SYN3: variants seen among roughly 807,000 people sequenced by gnomAD.
SYN3 encodes synapsin III.
Under a neutral mutation model 65.8 loss-of-function variants are expected in SYN3, and 35 were observed. That is an observed-to-expected ratio of 0.53 (90% CI 0.41 to 0.70). The LOEUF is 0.70. SYN3 is among the 30% of genes least tolerant of loss of function. The pLI is 0.00. For missense variants in SYN3, 680 were observed against 749.0 expected (o/e 0.91, Z 1.08); for synonymous variants, 270 against 292.9 (o/e 0.92, Z 0.80).
chr22:33,042,454 G>A (rs987651045), intron 1 of SYN3, among the ~76,000 whole-genome samples: 5 of 152,192 alleles, frequency 3.3e-5, no homozygotes, highest in Non-Finnish European at 5.9e-5. Context: ...CCAGACTTTA[G>A]CCAAACGGAC....
chr22:32,641,540 A>G (rs549520337), intron 6 of SYN3, among the ~76,000 whole-genome samples: 1 of 144,838 alleles, frequency 6.9e-6, no homozygotes, highest in Non-Finnish European at 1.5e-5. Flanking sequence ...CCCGGGAGGC[A>G]GAGTTTGCAG....
intron 6 of SYN3, among the ~76,000 whole-genome samples, chr22:32,807,895 T>TA (rs2145969454): frequency 6.6e-6 from 1 of 152,298 alleles, no homozygotes; most frequent in South Asian, 2.1e-4. Flanking sequence ...GGAGGAATGT[T>TA]AGAGCCCTGT....
chr22:32,879,348 G>C (rs952798768), intron 4 of SYN3, among the ~76,000 whole-genome samples: 15 of 152,214 alleles, frequency 9.9e-5, no homozygotes, highest in Admixed American at 8.5e-4. Context: ...ACTTGGAGTT[G>C]CTACAGCAAA....
intron 3 of SYN3, among the ~76,000 whole-genome samples, chr22:32,933,401 G>T (rs1236676061): frequency 6.6e-6 from 1 of 152,086 alleles, no homozygotes; most frequent in East Asian, 1.9e-4. Flanking sequence ...TTCAAACCCA[G>T]GCGGTGTGGC....
chr22:33,001,987 G>T (rs1407023654), intron 2 of SYN3, among the ~76,000 whole-genome samples: 1 of 152,128 alleles, frequency 6.6e-6, no homozygotes, highest in Non-Finnish European at 1.5e-5. Flanking sequence ...TCAAATGTTG[G>T]GATGAAGAGA....
At chr22:32,734,145 T>C (rs1185284981) in intron 6 of SYN3, among the ~76,000 whole-genome samples, 2 of 152,146 alleles carry the variant, frequency 1.3e-5, no homozygotes, top group Non-Finnish European at 2.9e-5. Flanking sequence ...CAATCCCTCA[T>C]CTGGTGTCTG....
At chr22:32,656,392 G>A (rs2060142540) in intron 6 of SYN3, among the ~76,000 whole-genome samples, 1 of 152,182 alleles carries the variant, frequency 6.6e-6, no homozygotes. Flanking sequence ...TGTATATCAA[G>A]TGCTTGGTTC....
At chr22:32,690,633 C>T (rs1343718145) in intron 6 of SYN3, among the ~76,000 whole-genome samples, 3 of 152,182 alleles carry the variant, frequency 2.0e-5, no homozygotes, top group Non-Finnish European at 4.4e-5. Context: ...GCATGTCAGG[C>T]AGGCGATATC....
chr22:32,702,584 G>A (rs955918447), intron 6 of SYN3, among the ~76,000 whole-genome samples: 4 of 152,142 alleles, frequency 2.6e-5, no homozygotes, highest in African/African-American at 4.8e-5. Context: ...AATTCTTTTC[G>A]TGTTACAAAA....
intron 4 of SYN3, among the ~76,000 whole-genome samples, chr22:32,926,872 T>C (rs2050487721): frequency 6.6e-6 from 1 of 152,234 alleles, no homozygotes. Flanking sequence ...CAGGCATTTA[T>C]AGCCTTGAAG....
At chr22:32,955,485 C>T (rs145131803) in intron 3 of SYN3, among the ~76,000 whole-genome samples, 1 of 152,136 alleles carries the variant, frequency 6.6e-6, no homozygotes, top group Admixed American at 6.5e-5. Flanking sequence ...GGCCTTGATG[C>T]ACTTGCTTGA....
chr22:32,906,485 A>G lies in SYN3; in HGVS notation c.461+24905T>C, dbSNP rs191148353. Among the ~76,000 whole-genome samples the G allele has an allele frequency of 6.3e-3, 957 of 152,284 alleles. 4 individuals carry two copies. Among genetic ancestry groups the G allele is most frequent in the Middle Eastern group, 0.014 (4 of 294 alleles). ...TGCTTAACCCCAGGGGAAAAATAGTAAATATATTAATATCTTTTTTTAACT... is the reference window on the plus strand; with the variant it reads ...TGCTTAACCCCAGGGGAAAAATAGTGAATATATTAATATCTTTTTTTAACT... On this transcript the variant is annotated intron_variant, in intron 4 of 13. Transcript: ENST00000358763.
At chr22:32,780,687 C>T (rs972449411) in intron 6 of SYN3, among the ~76,000 whole-genome samples, 3 of 152,116 alleles carry the variant, frequency 2.0e-5, no homozygotes, top group African/African-American at 7.2e-5. Context: ...AATCCTGGCT[C>T]CCTGACTTAC....
chr22:32,800,528 C>G (rs1350205591), intron 6 of SYN3, among the ~76,000 whole-genome samples: 1 of 152,166 alleles, frequency 6.6e-6, no homozygotes, highest in Non-Finnish European at 1.5e-5. Context: ...CGGTGAGATA[C>G]AGAATCCTGC....
Position 32,518,089 on chromosome 22 carries a change from G to T in SYN3, c.1564C>A (p.Gln522Lys). The T allele has an allele frequency of 6.4e-7, 1 of 1,552,080 alleles. No individual in the cohort carries two copies. Among genetic ancestry groups the T allele is most frequent in the Non-Finnish European group, 8.7e-7 (1 of 1,152,186 alleles). ...PPVQGRSTSQ[Q>K]GEESKKPAPP... is the part of the protein sequence containing the mutation. ...GCTGGCTTCTTGGACTCTTCACCCT[G>T]CTGGGAGGTACTACGGCCCTGCACA... Residue 522 changes from glutamine to lysine, a missense_variant, in exon 13 of 14, where the codon CAG (glutamine) becomes AAG (lysine). By Grantham distance (53) the Gln-to-Lys change is moderately conservative. Transcript: ENST00000358763.
At chr22:32,602,166 C>A (rs527359080) in intron 6 of SYN3, among the ~76,000 whole-genome samples, 1 of 152,166 alleles carries the variant, frequency 6.6e-6, no homozygotes, top group Admixed American at 6.5e-5. Flanking sequence ...AATATTATAC[C>A]ATAAGTGTTT....
intron 6 of SYN3, chr22:32,857,165 G>A: frequency 9.6e-7 from 1 of 1,040,224 alleles, no homozygotes; most frequent in South Asian, 1.3e-5. Context: ...CTTTCCTTTG[G>A]ATACATACCC....
intron 6 of SYN3, among the ~76,000 whole-genome samples, chr22:32,804,740 G>A (rs991913451): frequency 2.6e-5 from 4 of 152,196 alleles, no homozygotes; most frequent in Non-Finnish European, 5.9e-5. Context: ...TCCAGGCCCT[G>A]CACCCTATGG....
chr22:32,941,097 C>A (rs1380036463), intron 3 of SYN3, among the ~76,000 whole-genome samples: 3 of 152,098 alleles, frequency 2.0e-5, no homozygotes, highest in Admixed American at 1.3e-4. Flanking sequence ...GAAACCCTCA[C>A]TTATCTTAAA....
Sources: gnomAD v4.1 joint callset for allele counts (sites outside exome capture counted in the v4.1 genomes callset) on GRCh38, gnomAD v4.1.1 for gene constraint, MANE v1.5 for transcripts, NCBI Gene and HGNC (gene_info 2026-07-23, HGNC 2026-07-21) for gene names.